DNAH5: variants seen among roughly 807,000 people sequenced by gnomAD.
The protein encoded by DNAH5 is dynein axonemal heavy chain 5.
In DNAH5, 372 loss-of-function variants were observed where a neutral mutation model predicts 518.2. The ratio of observed to expected loss-of-function variants is 0.72; its 90% CI spans 0.66 to 0.78. The LOEUF is 0.78. DNAH5 is among the 30% of genes least tolerant of loss of function. The pLI is 0.00. For missense variants in DNAH5, 5,523 were observed against 5,687.0 expected (o/e 0.97, Z 0.93); for synonymous variants, 2,039 against 2,025.9 (o/e 1.01, Z -0.17).
At chr5:13,990,676 T>G (rs1281296022) in intron 1 of DNAH5, among the ~76,000 whole-genome samples, 2 of 152,144 alleles carry the variant, frequency 1.3e-5, no homozygotes, top group African/African-American at 4.8e-5. Flanking sequence ...GAGACCAGCC[T>G]GGCCAACATG....
intron 16 of DNAH5, among the ~76,000 whole-genome samples, chr5:13,893,065 AT>A (rs1773478358): frequency 2.0e-5 from 3 of 152,184 alleles, no homozygotes; most frequent in Admixed American, 2.0e-4. Context: ...CTTCTCAAAT[AT>A]TCTTAAATAT....
chr5:13,886,238 G>GA, intron 17 of DNAH5, 109 bp from the exon 18 acceptor site: 12 of 1,129,096 alleles, frequency 1.1e-5, no homozygotes, highest in Non-Finnish European at 1.5e-5. Flanking sequence ...CTCCAGGTGA[G>GA]ATTTCAGCCC....
intron 49 of DNAH5, among the ~76,000 whole-genome samples, chr5:13,792,901 A>G (rs1382869126): frequency 6.6e-6 from 1 of 152,218 alleles, no homozygotes; most frequent in Non-Finnish European, 1.5e-5. Context: ...AATGTGTTCA[A>G]ACCTTTATGC....
intron 1 of DNAH5, among the ~76,000 whole-genome samples, chr5:13,980,978 C>T (rs969393063): frequency 2.6e-5 from 4 of 152,214 alleles, no homozygotes; most frequent in African/African-American, 9.6e-5. Context: ...CAGGTCCCTG[C>T]TCAAATGCTC....
intron 55 of DNAH5, among the ~76,000 whole-genome samples, chr5:13,775,920 G>A (rs1230008588): frequency 6.6e-6 from 1 of 151,108 alleles, no homozygotes. Context: ...GATGAGACCT[G>A]GGTATCTGTT....
chr5:13,903,949 C>T (rs956144381), intron 12 of DNAH5, among the ~76,000 whole-genome samples: 1 of 152,062 alleles, frequency 6.6e-6, no homozygotes, highest in African/African-American at 2.4e-5. Context: ...AAACTGTAAA[C>T]ATGTTGCTAA....
chr5:13,866,377 T>C (rs777355915), intron 25 of DNAH5, 95 bp from the exon 26 acceptor site: 7 of 1,004,746 alleles, frequency 7.0e-6, no homozygotes, highest in Non-Finnish European at 1.0e-5. Flanking sequence ...TTAGGTTTCA[T>C]GCATGATAGG....
chr5:13,922,456 G>GCCACCACACC, intron 4 of DNAH5, 128 bp from the exon 5 acceptor site: 6 of 987,292 alleles, frequency 6.1e-6, no homozygotes, highest in African/African-American at 3.2e-5. Context: ...GCCAGGTGTG[G>GCCACCACACC]TGGCTCACAC....
intron 65 of DNAH5, among the ~76,000 whole-genome samples, chr5:13,745,176 T>C (rs976347939): frequency 6.6e-6 from 1 of 152,066 alleles, no homozygotes; most frequent in African/African-American, 2.4e-5. Flanking sequence ...TTTTTAAGTT[T>C]CCATTTTATT....
chr5:13,908,644 C>T lies in DNAH5; in HGVS notation c.1644+2742G>A, dbSNP rs144330709. Among the ~76,000 whole-genome samples the T allele has an allele frequency of 1.7e-3, 255 of 152,292 alleles. 1 individual carries two copies. The highest frequency in any genetic ancestry group is 2.5e-3 in the Non-Finnish European group (171 of 68,026). Reference sequence around the variant, plus strand: ...CTCAGCTTGCCACCTCAACACCCATCCTTTACTAAGTAGTGCCTTCTCCAT... The same window carrying T: ...CTCAGCTTGCCACCTCAACACCCATTCTTTACTAAGTAGTGCCTTCTCCAT... On this transcript the variant is annotated intron_variant, in intron 12 of 78. Coordinates refer to ENST00000265104, the MANE Select transcript of DNAH5 (RefSeq NM_001369.3).
intron 46 of DNAH5, among the ~76,000 whole-genome samples, chr5:13,808,225 C>T (rs1166836385): frequency 1.2e-5 from 1 of 86,340 alleles, no homozygotes; most frequent in African/African-American, 4.7e-5. Flanking sequence ...GACTCCATCT[C>T]AAAAAAAAAA....
chr5:13,770,838 G>A lies in DNAH5; in HGVS notation c.9516C>T (p.His3172=), dbSNP rs1452202315. The change falls in exon 56 of 79, where the codon CAC becomes CAT. Residue 3172 remains histidine (H), a synonymous_variant. Transcript: ENST00000265104. ...DYFQRFRRST[H]VTPKSYLSFI... ...AGGAGAGGTATGATTTGGGCGTCAC[G>A]TGGGTAGAACGTCGGAATCTCTGAA... 49 of 1,613,932 alleles carry A rather than the reference G, an allele frequency of 3.0e-5. No homozygotes were observed. The highest frequency in any genetic ancestry group is 1.6e-4 in the Middle Eastern group (1 of 6,082).
At chr5:13,785,206 C>G (rs1212060373) in intron 52 of DNAH5, among the ~76,000 whole-genome samples, 1 of 151,740 alleles carries the variant, frequency 6.6e-6, no homozygotes, top group Non-Finnish European at 1.5e-5. Flanking sequence ...TCATAAGGAG[C>G]GTGCAACTAG....
Position 13,796,431 on chromosome 5 carries a change from G to T in DNAH5, c.7888-2373C>A, listed in dbSNP as rs542075612. On this transcript the variant is annotated intron_variant, in intron 47 of 78. Coordinates refer to ENST00000265104, the MANE Select transcript of DNAH5 (RefSeq NM_001369.3). ...ACAGACAAACAGAGAGCCAAATCAT[G>T]AGTGAACTCCCATTCACAATGGCTA... Among the ~76,000 whole-genome samples, 3 of 152,200 alleles carry T rather than the reference G, an allele frequency of 2.0e-5. No homozygotes were observed. In the East Asian group the frequency reaches 5.8e-4, roughly 29 times the overall value.
At chr5:13,886,503 C>T (rs1772456441) in intron 17 of DNAH5, among the ~76,000 whole-genome samples, 1 of 152,226 alleles carries the variant, frequency 6.6e-6, no homozygotes. Context: ...GTCATCCCCT[C>T]ATTAATTTCA....
At chr5:13,896,299 C>T (rs1773908677) in intron 15 of DNAH5, among the ~76,000 whole-genome samples, 1 of 152,002 alleles carries the variant, frequency 6.6e-6, no homozygotes, top group South Asian at 2.1e-4. Flanking sequence ...TGTCCCATTA[C>T]TTCTCTGATC....
chr5:13,753,315 GC>G lies in DNAH5; in HGVS notation c.10789del (p.Ala3597HisfsTer7). 6.2e-7 allele frequency: 1 copy of G among 1,613,574 alleles called. No homozygotes were observed. Among genetic ancestry groups the G allele is most frequent in the Non-Finnish European group, 8.5e-7 (1 of 1,179,544 alleles). On this transcript the variant is annotated frameshift_variant, in exon 63 of 79. Transcript: ENST00000265104. LOFTEE classifies it high-confidence loss of function. Reference sequence around the variant, plus strand: ...ATCAATTAACAAAGGGTAACGAGATGCCTTCGTGACAATAATTCCATTTTGA... The same window carrying G: ...ATCAATTAACAAAGGGTAACGAGATGCTTCGTGACAATAATTCCATTTTGA... ...SIQNGIIVTK[A>X]SRYPLLIDPQ...
chr5:13,844,506 TTTAG>T (rs1281489220), intron 32 of DNAH5, among the ~76,000 whole-genome samples: 3 of 152,190 alleles, frequency 2.0e-5, no homozygotes, highest in African/African-American at 7.2e-5. Context: ...GGCAATTCCG[TTTAG>T]TTAAGACGCT....
At position 13,762,918 on chromosome 5, in the gene DNAH5, T is replaced by C. The variant is rs1232675998; in HGVS notation, c.10102-17A>G. The C allele has an allele frequency of 6.2e-7, 1 of 1,607,294 alleles. No individual in the cohort carries two copies. ...TGGGAATTGCTATGGAAGAAAAGAG[T>C]AAAATAAAGTCGAAACACTTCTTTC... On this transcript the variant is annotated splice_polypyrimidine_tract_variant and intron_variant, in intron 59 of 78. Coordinates refer to ENST00000265104, the MANE Select transcript of DNAH5 (RefSeq NM_001369.3).
Sources: gnomAD v4.1 joint callset for allele counts (sites outside exome capture counted in the v4.1 genomes callset) on GRCh38, gnomAD v4.1.1 for gene constraint, MANE v1.5 for transcripts, NCBI Gene and HGNC (gene_info 2026-07-23, HGNC 2026-07-21) for gene names.